The following CSMD1 variants were observed in gnomAD, a reference collection of about 807,000 sequenced individuals.
The protein encoded by CSMD1 is CUB and Sushi multiple domains 1, also known as CUB and sushi domain-containing protein 1.
CSMD1 carries 213 observed loss-of-function variants against 417.5 expected under a neutral mutation model. The ratio of observed to expected loss-of-function variants is 0.51; its 90% CI spans 0.46 to 0.57. The LOEUF (loss-of-function observed/expected upper bound fraction) is 0.57, where lower values mean the gene tolerates loss of function less well. CSMD1 is among the 20% of genes least tolerant of loss of function. The pLI is 0.00. For synonymous variants in CSMD1, 2,862 were observed against 1,736.8 expected, an observed-to-expected ratio of 1.65 and a Z score of -16.11; for missense variants, 6,923 against 4,529.7, an observed-to-expected ratio of 1.53 and a Z score of -15.17.
chr8:4,877,788 G>T (rs1009352034), intron 1 of CSMD1, among the ~76,000 whole-genome samples: 4 of 152,090 alleles, frequency 2.6e-5, no homozygotes, highest in African/African-American at 9.7e-5. Context: ...CAGTCCTAGA[G>T]ATTTGGTGAC....
chr8:3,681,536 A>C (rs1217031069), intron 7 of CSMD1, among the ~76,000 whole-genome samples: 1 of 152,194 alleles, frequency 6.6e-6, no homozygotes, highest in Non-Finnish European at 1.5e-5. Flanking sequence ...AATGAAATAA[A>C]AGAGGATACA....
At chr8:3,907,142 T>C (rs1453540918) in intron 5 of CSMD1, among the ~76,000 whole-genome samples, 2 of 152,228 alleles carry the variant, frequency 1.3e-5, no homozygotes. Flanking sequence ...TTACTTTTCA[T>C]GTTACGTTGT....
intron 18 of CSMD1, among the ~76,000 whole-genome samples, chr8:3,383,751 A>C (rs1300054017): frequency 6.6e-6 from 1 of 152,158 alleles, no homozygotes; most frequent in East Asian, 1.9e-4. Context: ...AAATGGAAGC[A>C]AAGAAAGAGA....
chr8:3,363,863 C>A lies in CSMD1; in HGVS notation c.3115+3169G>T. On this transcript the variant is annotated intron_variant, in intron 20 of 69. Coordinates refer to ENST00000635120, the MANE Select transcript of CSMD1 (RefSeq NM_033225.6). Reference sequence around the variant, plus strand: ...AGTATCCAGTGCACATAGTTAGCAACTAGTAGCAGACAATGTTATGTAGAA... The same window carrying A: ...AGTATCCAGTGCACATAGTTAGCAAATAGTAGCAGACAATGTTATGTAGAA... Among the ~76,000 whole-genome samples the A allele has an allele frequency of 1.3e-5, 2 of 152,146 alleles. 1 individual carries two copies. The highest frequency in any genetic ancestry group is 2.9e-5 in the Non-Finnish European group (2 of 68,038).
chr8:4,413,416 T>A (rs1284755059), intron 3 of CSMD1, among the ~76,000 whole-genome samples: 1 of 152,198 alleles, frequency 6.6e-6, no homozygotes, highest in Non-Finnish European at 1.5e-5. Context: ...TAGCTAAATT[T>A]GTTTCTTTAG....
At chr8:4,693,487 A>T (rs1470381693) in intron 1 of CSMD1, among the ~76,000 whole-genome samples, 2 of 152,206 alleles carry the variant, frequency 1.3e-5, no homozygotes, top group Non-Finnish European at 2.9e-5. Flanking sequence ...TGGGGACATT[A>T]GTCCTATACT....
At chr8:4,143,120 G>A (rs66753419) in intron 3 of CSMD1, among the ~76,000 whole-genome samples, 45,325 of 132,640 alleles carry the variant, frequency 0.34, 8,469 homozygotes, top group Non-Finnish European at 0.43. Flanking sequence ...AAACTATGGA[G>A]GATTGGAATT....
chr8:4,530,952 A>G (rs527606995), intron 2 of CSMD1, among the ~76,000 whole-genome samples: 1 of 152,144 alleles, frequency 6.6e-6, no homozygotes, highest in Admixed American at 6.5e-5. Flanking sequence ...AGACAGACCT[A>G]GTATCTGAGC....
chr8:4,147,906 C>T (rs773217310), intron 3 of CSMD1, among the ~76,000 whole-genome samples: 15 of 152,096 alleles, frequency 9.9e-5, no homozygotes, highest in Non-Finnish European at 1.8e-4. Flanking sequence ...TTCTCAAAGC[C>T]TCGGAGGCTC....
chr8:4,182,234 A>G (rs979406626), intron 3 of CSMD1, among the ~76,000 whole-genome samples: 2 of 152,178 alleles, frequency 1.3e-5, no homozygotes, highest in African/African-American at 4.8e-5. Context: ...TATGATACAT[A>G]AGAAAAAAAC....
intron 2 of CSMD1, among the ~76,000 whole-genome samples, chr8:4,570,087 G>T (rs1489047148): frequency 2.0e-5 from 3 of 152,174 alleles, no homozygotes; most frequent in Non-Finnish European, 2.9e-5. Context: ...TCTGCAAACA[G>T]AGACAACTTG....
At chr8:3,334,668 C>T (rs1378889167) in intron 23 of CSMD1, among the ~76,000 whole-genome samples, 1 of 152,180 alleles carries the variant, frequency 6.6e-6, no homozygotes, top group Non-Finnish European at 1.5e-5. Flanking sequence ...CTTATTGTGG[C>T]AAAAACATAA....
intron 1 of CSMD1, among the ~76,000 whole-genome samples, chr8:4,762,645 C>T (rs1345644188): frequency 6.6e-6 from 1 of 152,130 alleles, no homozygotes; most frequent in East Asian, 1.9e-4. Context: ...GCAGCGTCTC[C>T]ACCTCTGCTG....
chr8:4,308,600 G>C (rs2128877496), intron 3 of CSMD1, among the ~76,000 whole-genome samples: 1 of 152,280 alleles, frequency 6.6e-6, no homozygotes, highest in Non-Finnish European at 1.5e-5. Flanking sequence ...TAGAATAATG[G>C]AGAGAATTTG....
intron 12 of CSMD1, among the ~76,000 whole-genome samples, chr8:3,466,932 T>C (rs1481689380): frequency 6.6e-6 from 1 of 152,146 alleles, no homozygotes; most frequent in Non-Finnish European, 1.5e-5. Flanking sequence ...AAATGTTGTA[T>C]TGGTTAATGG....
intron 7 of CSMD1, among the ~76,000 whole-genome samples, chr8:3,651,419 G>C (rs149617975): frequency 6.6e-6 from 1 of 151,932 alleles, no homozygotes; most frequent in East Asian, 1.9e-4. Context: ...GGAGTACCTC[G>C]AACTTGCTGA....
intron 3 of CSMD1, among the ~76,000 whole-genome samples, chr8:4,158,960 G>A (rs189545336): frequency 1.1e-3 from 175 of 152,256 alleles, no homozygotes; most frequent in Non-Finnish European, 2.0e-3. Flanking sequence ...TTGTTGCCCA[G>A]GTTGGAGTGC....
chr8:4,882,999 A>T (rs1269046930), intron 1 of CSMD1, among the ~76,000 whole-genome samples: 1 of 152,096 alleles, frequency 6.6e-6, no homozygotes, highest in Non-Finnish European at 1.5e-5. Context: ...GAGAAAATTG[A>T]CAATTAGCTG....
At chr8:4,445,472 G>C (rs975718630) in intron 2 of CSMD1, among the ~76,000 whole-genome samples, 1 of 151,218 alleles carries the variant, frequency 6.6e-6, no homozygotes, top group Non-Finnish European at 1.5e-5. Context: ...AGTCACTTAA[G>C]AAAGTCAAAG....
Sources: allele counts gnomAD v4.1 joint callset (sites outside exome capture counted in the v4.1 genomes callset), GRCh38; gene constraint gnomAD v4.1.1; transcripts MANE v1.5; gene names NCBI Gene and HGNC (gene_info 2026-07-23, HGNC 2026-07-21).